Variants in MINDY2 observed in about 807,000 individuals in gnomAD.
MINDY2 encodes MINDY lysine 48 deubiquitinase 2.
A neutral mutation model predicts 68.2 loss-of-function variants in MINDY2; 52 were observed. The ratio of observed to expected loss-of-function variants is 0.76; its 90% CI spans 0.61 to 0.96. The LOEUF is 0.96. Among genes scored for constraint, MINDY2 ranks in the 40% least tolerant of loss-of-function variants. MINDY2 has a pLI of 0.00. For synonymous variants in MINDY2, 372 were observed against 303.0 expected, an observed-to-expected ratio of 1.23 and a Z score of -2.36; for missense variants, 881 against 773.4, an observed-to-expected ratio of 1.14 and a Z score of -1.65.
At chr15:58,829,774 C>T (rs1031130330) in intron 5 of MINDY2, among the ~76,000 whole-genome samples, 1 of 152,146 alleles carries the variant, frequency 6.6e-6, no homozygotes, top group South Asian at 2.1e-4. Context: ...TTTTGTACTT[C>T]TATCATAACA....
At chr15:58,840,903 C>T (rs1163768725) in intron 6 of MINDY2, among the ~76,000 whole-genome samples, 20 of 148,382 alleles carry the variant, frequency 1.3e-4, no homozygotes, top group African/African-American at 2.0e-4. Context: ...CTCCTGACCT[C>T]GTGATCTGCC....
chr15:58,787,837 T>G, intron 1 of MINDY2, 69 bp from the exon 2 acceptor site: 2 of 1,028,970 alleles, frequency 1.9e-6, no homozygotes, highest in Non-Finnish European at 2.9e-6. Context: ...TATTTGTGTT[T>G]CTGACTGCAA....
chr15:58,813,498 A>G (rs1341193070), intron 4 of MINDY2, among the ~76,000 whole-genome samples: 2 of 152,204 alleles, frequency 1.3e-5, no homozygotes, highest in Non-Finnish European at 2.9e-5. Context: ...TCTATCTCAA[A>G]CTGCTGTAAA....
At chr15:58,782,044 CAT>C (rs375844578) in intron 1 of MINDY2, among the ~76,000 whole-genome samples, 64 of 151,966 alleles carry the variant, frequency 4.2e-4, no homozygotes, top group Non-Finnish European at 5.2e-4. Flanking sequence ...AAATGTAAAA[CAT>C]GTGTAATAGC....
intron 5 of MINDY2, among the ~76,000 whole-genome samples, chr15:58,825,406 A>G (rs1358305149): frequency 5.3e-5 from 8 of 152,080 alleles, no homozygotes; most frequent in African/African-American, 1.9e-4. Flanking sequence ...CTTCTTTTCC[A>G]GTACAATGAT....
chr15:58,836,762 G>A (rs764754775), intron 6 of MINDY2, among the ~76,000 whole-genome samples: 29 of 152,030 alleles, frequency 1.9e-4, no homozygotes, highest in Non-Finnish European at 3.2e-4. Context: ...GGGACTACAG[G>A]TGTACACGAT....
chr15:58,805,387 A>G (rs767101840), intron 3 of MINDY2, among the ~76,000 whole-genome samples: 1 of 151,788 alleles, frequency 6.6e-6, no homozygotes, highest in East Asian at 1.9e-4. Flanking sequence ...CCCATTTAAA[A>G]CTCTTTACCA....
chr15:58,782,684 T>C (rs1901222443), intron 1 of MINDY2, among the ~76,000 whole-genome samples: 2 of 152,130 alleles, frequency 1.3e-5, no homozygotes, highest in African/African-American at 4.8e-5. Context: ...TCTGTGAGTA[T>C]TGATAATTGG....
chr15:58,787,620 C>G (rs975003959), intron 1 of MINDY2, among the ~76,000 whole-genome samples: 3 of 151,528 alleles, frequency 2.0e-5, no homozygotes, highest in Non-Finnish European at 4.4e-5. Flanking sequence ...GCCTGTAGTC[C>G]CAGCTACTCG....
At chr15:58,803,773 G>A (rs1419865888) in intron 3 of MINDY2, among the ~76,000 whole-genome samples, 2 of 151,772 alleles carry the variant, frequency 1.3e-5, no homozygotes, top group African/African-American at 4.8e-5. Flanking sequence ...CCGAGATTGC[G>A]TCACTACACT....
chr15:58,837,774 T>C (rs897294654), intron 6 of MINDY2, among the ~76,000 whole-genome samples: 1 of 151,666 alleles, frequency 6.6e-6, no homozygotes, highest in Non-Finnish European at 1.5e-5. Context: ...GAGACCAGCA[T>C]GGACAATGAA....
chr15:58,828,705 C>T (rs974134453), intron 5 of MINDY2, among the ~76,000 whole-genome samples: 15 of 150,298 alleles, frequency 1.0e-4, no homozygotes, highest in African/African-American at 2.7e-4. Flanking sequence ...GGACTACAGG[C>T]GCCTGCCACC....
At chr15:58,834,443 A>G (rs1212023269) in intron 6 of MINDY2, among the ~76,000 whole-genome samples, 4 of 152,230 alleles carry the variant, frequency 2.6e-5, no homozygotes, top group African/African-American at 9.6e-5. Context: ...TCTCAACCCA[A>G]ATTGTATGCT....
chr15:58,841,531 A>G (rs2032285862), intron 6 of MINDY2, among the ~76,000 whole-genome samples: 1 of 150,228 alleles, frequency 6.7e-6, no homozygotes, highest in Non-Finnish European at 1.5e-5. Flanking sequence ...TTAGCCCCCC[A>G]AGTAGCTGGG....
At chr15:58,840,942 A>C (rs2032249660) in intron 6 of MINDY2, among the ~76,000 whole-genome samples, 1 of 145,554 alleles carries the variant, frequency 6.9e-6, no homozygotes, top group South Asian at 2.2e-4. Flanking sequence ...TGCTGGAATT[A>C]CAGGTGTAAG....
chr15:58,858,831 G>A lies in MINDY2; in HGVS notation c.*4221G>A, dbSNP rs1298901379. 6.6e-6 allele frequency: 1 copy of A among 152,084 alleles called. No homozygotes were observed. The highest frequency in any genetic ancestry group is 2.4e-5 in the African/African-American group (1 of 41,428). The allele number at this position is 152,084 out of a possible 1,614,324, so 9.4% of individuals were successfully genotyped here. On this transcript the variant is annotated 3_prime_UTR_variant, in exon 9 of 9. Coordinates refer to ENST00000559228, the MANE Select transcript of MINDY2 (RefSeq NM_001040450.3). Reference sequence around the variant, plus strand: ...AAATAGTCTACAGTTTGTATTTTAAGGAATTGGACATGAAGAATTCTAGAT... The same window carrying A: ...AAATAGTCTACAGTTTGTATTTTAAAGAATTGGACATGAAGAATTCTAGAT...
At chr15:58,852,115 T>C (rs1384625984) in intron 8 of MINDY2, 150 bp downstream of exon 8, 7 of 505,904 alleles carry the variant, frequency 1.4e-5, no homozygotes, top group South Asian at 2.9e-5. Context: ...GGCAAAACCC[T>C]ATCTCTATTA....
At chr15:58,849,134 CA>C (rs2032687653) in intron 7 of MINDY2, among the ~76,000 whole-genome samples, 1 of 151,564 alleles carries the variant, frequency 6.6e-6, no homozygotes. Context: ...CACTTGAACC[CA>C]GGGGGCGGAA....
At chr15:58,797,506 TCAAA>T (rs1333416733) in intron 2 of MINDY2, among the ~76,000 whole-genome samples, 3 of 152,184 alleles carry the variant, frequency 2.0e-5, no homozygotes, top group African/African-American at 4.8e-5. Context: ...AGACCCTATC[TCAAA>T]CAAACAAACA....
Sources: allele counts gnomAD v4.1 joint callset (sites outside exome capture counted in the v4.1 genomes callset), GRCh38; gene constraint gnomAD v4.1.1; transcripts MANE v1.5; gene names NCBI Gene and HGNC (gene_info 2026-07-23, HGNC 2026-07-21).